NR3C2: variants seen among roughly 807,000 people sequenced by gnomAD.
NR3C2 encodes nuclear receptor subfamily 3 group C member 2.
A neutral mutation model predicts 86.4 loss-of-function variants in NR3C2; 15 were observed. The observed-to-expected ratio is 0.17, with a 90% CI of 0.12 to 0.27. The LOEUF (loss-of-function observed/expected upper bound fraction) is 0.27. NR3C2 is among the 10% of genes least tolerant of loss of function. The probability of loss-of-function intolerance (pLI) is 1.00; values close to 1 mark genes in which losing one functional copy is unlikely to be tolerated. For synonymous variants in NR3C2, 458 were observed against 450.5 expected, an observed-to-expected ratio of 1.02 and a Z score of -0.21; for missense variants, 960 against 1,195.6, an observed-to-expected ratio of 0.80 and a Z score of 2.91.
At chr4:148,430,443 C>T (rs1028347110) in intron 2 of NR3C2, among the ~76,000 whole-genome samples, 2 of 151,976 alleles carry the variant, frequency 1.3e-5, no homozygotes, top group Non-Finnish European at 2.9e-5. Context: ...CACCACTCTT[C>T]CCAGAAATAT....
intron 2 of NR3C2, among the ~76,000 whole-genome samples, chr4:148,341,537 A>G (rs958233504): frequency 6.6e-6 from 1 of 152,160 alleles, no homozygotes; most frequent in African/African-American, 2.4e-5. Context: ...CTAGTGTTTG[A>G]AAGCACAGTA....
Position 148,241,868 on chromosome 4 carries a change from C to A in NR3C2, c.1897+18110G>T, listed in dbSNP as rs533725791. ...TTCATCATTAACTACTACAGCAAAT[C>A]ATATTGTAGGGAGTTATTTTTCATC... On this transcript the variant is annotated intron_variant, in intron 3 of 8. Coordinates refer to ENST00000358102, the MANE Select transcript of NR3C2 (RefSeq NM_000901.5). Among the ~76,000 whole-genome samples the A allele has an allele frequency of 8.5e-5, 13 of 152,250 alleles. No individual in the cohort carries two copies. In the South Asian group the frequency reaches 2.3e-3, roughly 27 times the overall value.
chr4:148,422,322 A>C (rs66584597), intron 2 of NR3C2, among the ~76,000 whole-genome samples: 2 of 151,846 alleles, frequency 1.3e-5, no homozygotes, highest in Non-Finnish European at 2.9e-5. Flanking sequence ...GAGGAAAAAA[A>C]AAAACACCTT....
intron 3 of NR3C2, among the ~76,000 whole-genome samples, chr4:148,238,204 A>T (rs1738839389): frequency 6.6e-6 from 1 of 151,178 alleles, no homozygotes; most frequent in Admixed American, 6.6e-5. Flanking sequence ...AATGACACTC[A>T]AATTTATCTA....
chr4:148,429,089 A>G (rs924490482), intron 2 of NR3C2, among the ~76,000 whole-genome samples: 2 of 152,084 alleles, frequency 1.3e-5, no homozygotes, highest in Non-Finnish European at 2.9e-5. Context: ...TCCCTCCTCC[A>G]GTAAGTACCC....
At chr4:148,334,718 A>G (rs1470092662) in intron 2 of NR3C2, among the ~76,000 whole-genome samples, 3 of 152,238 alleles carry the variant, frequency 2.0e-5, no homozygotes. Context: ...TTCTTGAACT[A>G]GTGTATTAGT....
chr4:148,115,287 C>T (rs1442625707), intron 7 of NR3C2, among the ~76,000 whole-genome samples: 2 of 152,170 alleles, frequency 1.3e-5, no homozygotes, highest in East Asian at 1.9e-4. Flanking sequence ...GGTCCCAGGA[C>T]ATTTGTGAAC....
chr4:148,333,626 GTCACC>G (rs1413007194), intron 2 of NR3C2, among the ~76,000 whole-genome samples: 1 of 152,056 alleles, frequency 6.6e-6, no homozygotes, highest in Non-Finnish European at 1.5e-5. Flanking sequence ...GTCCCACACA[GTCACC>G]TCCTAGGTTC....
chr4:148,193,035 G>A (rs760579914), intron 4 of NR3C2, among the ~76,000 whole-genome samples: 1 of 152,204 alleles, frequency 6.6e-6, no homozygotes, highest in Admixed American at 6.5e-5. Context: ...AGTTCAGCTA[G>A]AGAATTCCTT....
At position 148,340,532 on chromosome 4, in the gene NR3C2, C is replaced by G. The variant is rs116941482; in HGVS notation, c.1758-80415G>C. 6.2e-4 allele frequency among the ~76,000 whole-genome samples: 94 copies of G among 152,234 alleles called. No homozygotes were observed. In the East Asian group the frequency reaches 0.017, roughly 28 times the overall value. ...TCTAAGACCTGAAACTATAAAACAA[C>G]TAGAAGAAACTATTAGGGAAATGCT... On this transcript the variant is annotated intron_variant, in intron 2 of 8. Transcript: ENST00000358102.
At chr4:148,155,341 C>T (rs944228921) in intron 4 of NR3C2, among the ~76,000 whole-genome samples, 3 of 152,198 alleles carry the variant, frequency 2.0e-5, no homozygotes, top group Non-Finnish European at 4.4e-5. Flanking sequence ...TTGCAGACGA[C>T]ATGATTGTAT....
At chr4:148,187,640 G>T (rs2149796569) in intron 4 of NR3C2, among the ~76,000 whole-genome samples, 1 of 151,916 alleles carries the variant, frequency 6.6e-6, no homozygotes, top group Non-Finnish European at 1.5e-5. Context: ...CCACTCTGTG[G>T]GTCATCTGTT....
In NR3C2 at chr4:148,327,839, C is replaced by G. The variant is rs368061094; in HGVS notation, c.1758-67722G>C. ...TCAGGTTCTGTTATATCTGCCCTCT[C>G]ACATACACCCTCTGACCTACATGCA... On this transcript the variant is annotated intron_variant, in intron 2 of 8. Coordinates refer to ENST00000358102, the MANE Select transcript of NR3C2 (RefSeq NM_000901.5). Among the ~76,000 whole-genome samples the G allele has an allele frequency of 6.6e-5, 10 of 152,322 alleles. No homozygotes were observed. The East Asian group carries it at 1.5e-3, about 23-fold the overall frequency.
intron 3 of NR3C2, among the ~76,000 whole-genome samples, chr4:148,231,833 T>C (rs1379653319): frequency 6.6e-6 from 1 of 152,226 alleles, no homozygotes; most frequent in Non-Finnish European, 1.5e-5. Flanking sequence ...AATCCTCTGT[T>C]GTCATTTCAA....
chr4:148,254,900 C>A (rs1226100505), intron 3 of NR3C2, among the ~76,000 whole-genome samples: 1 of 152,096 alleles, frequency 6.6e-6, no homozygotes, highest in African/African-American at 2.4e-5. Flanking sequence ...TTAAAAACAT[C>A]TAATAAATAT....
chr4:148,379,976 T>C (rs1428881428), intron 2 of NR3C2, among the ~76,000 whole-genome samples: 1 of 152,200 alleles, frequency 6.6e-6, no homozygotes, highest in Non-Finnish European at 1.5e-5. Flanking sequence ...CTTGCATTAT[T>C]CAAAAAGGTA....
upstream of NR3C2, chr4:148,444,417 C>A: frequency 1.0e-6 from 1 of 986,056 alleles, no homozygotes; most frequent in Non-Finnish European, 1.2e-6. Flanking sequence ...CGCTCGCCAA[C>A]CCGCGCCCTC....
intron 3 of NR3C2, among the ~76,000 whole-genome samples, chr4:148,210,267 T>C (rs936792796): frequency 2.0e-5 from 3 of 152,188 alleles, no homozygotes; most frequent in Admixed American, 1.3e-4. Context: ...CTTGGTTCAC[T>C]GTAACCTCCA....
At chr4:148,209,700 C>G (rs1369788363) in intron 3 of NR3C2, among the ~76,000 whole-genome samples, 3 of 152,162 alleles carry the variant, frequency 2.0e-5, no homozygotes, top group Non-Finnish European at 2.9e-5. Context: ...ACAAAACCAC[C>G]AGCTGATTTT....
Sources: gnomAD v4.1 joint callset for allele counts (sites outside exome capture counted in the v4.1 genomes callset) on GRCh38, gnomAD v4.1.1 for gene constraint, MANE v1.5 for transcripts, NCBI Gene and HGNC (gene_info 2026-07-23, HGNC 2026-07-21) for gene names.